The following CDKAL1 variants were observed in gnomAD, a reference collection of about 807,000 sequenced individuals.
The protein encoded by CDKAL1 is threonylcarbamoyladenosine tRNA methylthiotransferase.
CDKAL1 carries 32 observed loss-of-function variants against 68.2 expected under a neutral mutation model. The ratio of observed to expected loss-of-function variants is 0.47; its 90% CI spans 0.35 to 0.63. The LOEUF is 0.63. Among genes scored for constraint, CDKAL1 ranks in the 30% least tolerant of loss-of-function variants. The pLI is 0.00. For synonymous variants in CDKAL1, 234 were observed against 244.3 expected (o/e 0.96, Z 0.39); for missense variants, 606 against 696.7 (o/e 0.87, Z 1.47).
intron 9 of CDKAL1, among the ~76,000 whole-genome samples, chr6:20,952,858 T>A (rs1764601760): frequency 6.6e-6 from 1 of 152,230 alleles, no homozygotes; most frequent in African/African-American, 2.4e-5. Context: ...GATTCCACAT[T>A]TAGCGTCACT....
intron 12 of CDKAL1, among the ~76,000 whole-genome samples, chr6:21,082,332 A>C (rs1050819044): frequency 3.3e-5 from 5 of 152,222 alleles, no homozygotes; most frequent in Admixed American, 3.3e-4. Flanking sequence ...AAACAAACAT[A>C]GTCTATGCTT....
At chr6:21,101,855 C>T (rs1582200237) in intron 12 of CDKAL1, among the ~76,000 whole-genome samples, 1 of 152,260 alleles carries the variant, frequency 6.6e-6, no homozygotes, top group East Asian at 1.9e-4. Flanking sequence ...GTACTCCTAT[C>T]TAATCAGTTA....
At chr6:21,130,221 C>CTTTT (rs10708944) in intron 13 of CDKAL1, among the ~76,000 whole-genome samples, 3 of 115,624 alleles carry the variant, frequency 2.6e-5, no homozygotes, top group African/African-American at 3.3e-5. Flanking sequence ...TTGGACCTAA[C>CTTTT]TTTTTTTTTT....
At chr6:20,984,819 G>GA (rs1260000784) in intron 10 of CDKAL1, among the ~76,000 whole-genome samples, 1 of 148,066 alleles carries the variant, frequency 6.8e-6, no homozygotes, top group Non-Finnish European at 1.5e-5. Flanking sequence ...AACGGGGGGG[G>GA]GTGGGGAAGG....
intron 5 of CDKAL1, among the ~76,000 whole-genome samples, chr6:20,670,873 T>C (rs2127780319): frequency 6.6e-6 from 1 of 152,364 alleles, no homozygotes; most frequent in South Asian, 2.1e-4. Context: ...TTCTTTCTTA[T>C]GGCTGCTTAG....
chr6:21,156,942 C>T (rs9368283), intron 13 of CDKAL1, among the ~76,000 whole-genome samples: 51,384 of 151,960 alleles, frequency 0.34, 9,023 homozygotes, highest in African/African-American at 0.43. Flanking sequence ...TCTGCCTAGG[C>T]TGGTTTTTCA....
At chr6:20,841,061 C>G (rs7765060) in intron 8 of CDKAL1, among the ~76,000 whole-genome samples, 126,712 of 152,198 alleles carry the variant, frequency 0.83, 53,006 homozygotes, top group Non-Finnish European at 0.87. Context: ...TCTCGAATTC[C>G]TGAGCTCAAG....
chr6:20,593,117 G>A (rs1352578388), intron 4 of CDKAL1, among the ~76,000 whole-genome samples: 1 of 152,164 alleles, frequency 6.6e-6, no homozygotes, highest in African/African-American at 2.4e-5. Flanking sequence ...CAGGGATATT[G>A]GTCTGAAATT....
chr6:21,161,849 ATTG>A (rs1044425931), intron 13 of CDKAL1, among the ~76,000 whole-genome samples: 27 of 152,176 alleles, frequency 1.8e-4, no homozygotes, highest in Admixed American at 3.9e-4. Context: ...AGGGCTCATA[ATTG>A]TTGTCATTTT....
rs537167888 is a variant in CDKAL1 at position 20,546,855 on chromosome 6, A to G, written c.173+332A>G. 5.5e-4 allele frequency among the ~76,000 whole-genome samples: 84 copies of G among 152,228 alleles called. 2 individuals carry two copies. In the South Asian group the frequency reaches 0.015, roughly 27 times the overall value. ...TGGCCTGAGCCACTGAGCACGGCCG[A>G]AATTATATTCATTTTCATTCCAGGG... On this transcript the variant is annotated intron_variant, in intron 3 of 15. Coordinates refer to ENST00000274695, the MANE Select transcript of CDKAL1 (RefSeq NM_017774.3).
intron 4 of CDKAL1, among the ~76,000 whole-genome samples, chr6:20,624,223 C>G (rs1767323413): frequency 6.6e-6 from 1 of 151,960 alleles, no homozygotes; most frequent in African/African-American, 2.4e-5. Flanking sequence ...GATAGGTAGT[C>G]AGTTCTTGGT....
In CDKAL1 at chr6:20,642,899, AAACAACAACAAC is replaced by A. The variant is rs79933332; in HGVS notation, c.287-6359_287-6348del. 6.8e-3 allele frequency among the ~76,000 whole-genome samples: 1,027 copies of A among 150,420 alleles called. 7 individuals carry two copies. Among genetic ancestry groups the A allele is most frequent in the African/African-American group, 0.018 (739 of 40,754 alleles). ...GGGCGACACAGTGAGACTTTGTCTCAAACAACAACAACAACAACAACAACAACAACAACAACA... is the reference window on the plus strand; with the variant it reads ...GGGCGACACAGTGAGACTTTGTCTCAAACAACAACAACAACAACAACAACA... On this transcript the variant is annotated intron_variant, in intron 4 of 15. Transcript: ENST00000274695.
intron 12 of CDKAL1, among the ~76,000 whole-genome samples, chr6:21,102,845 T>C (rs1773650388): frequency 6.6e-6 from 1 of 152,224 alleles, no homozygotes; most frequent in African/African-American, 2.4e-5. Context: ...CTTGGCTCCT[T>C]ATCTTTTCCT....
At chr6:20,622,889 AATTG>A (rs1187020500) in intron 4 of CDKAL1, among the ~76,000 whole-genome samples, 1 of 151,946 alleles carries the variant, frequency 6.6e-6, no homozygotes, top group East Asian at 1.9e-4. Context: ...GAAGGAGCTT[AATTG>A]ATTATCATTT....
intron 4 of CDKAL1, among the ~76,000 whole-genome samples, chr6:20,586,342 A>G (rs1765354064): frequency 1.3e-5 from 2 of 152,178 alleles, no homozygotes; most frequent in Admixed American, 1.3e-4. Flanking sequence ...TTCTGCAAAA[A>G]TGGAAGTGCT....
At chr6:20,914,028 G>A (rs1440067842) in intron 9 of CDKAL1, among the ~76,000 whole-genome samples, 2 of 152,002 alleles carry the variant, frequency 1.3e-5, no homozygotes, top group East Asian at 1.9e-4. Context: ...GGTGGCTCAC[G>A]CCTGTGATCC....
intron 4 of CDKAL1, among the ~76,000 whole-genome samples, chr6:20,610,131 A>G (rs1424945567): frequency 6.6e-6 from 1 of 152,214 alleles, no homozygotes; most frequent in African/African-American, 2.4e-5. Flanking sequence ...AGGGCTGTGT[A>G]GTATTCCATG....
intron 5 of CDKAL1, among the ~76,000 whole-genome samples, chr6:20,706,794 ACAGTTTAACTTG>A (rs1352366248): frequency 6.6e-6 from 1 of 152,168 alleles, no homozygotes; most frequent in Non-Finnish European, 1.5e-5. Flanking sequence ...TACTTGGAAG[ACAGTTTAACTTG>A]CATAAGTCCT....
intron 6 of CDKAL1, among the ~76,000 whole-genome samples, chr6:20,742,947 G>A (rs923584893): frequency 6.6e-6 from 1 of 151,964 alleles, no homozygotes; most frequent in African/African-American, 2.4e-5. Flanking sequence ...TACAAATTAG[G>A]AAACAAAATT....
Sources: allele counts gnomAD v4.1 joint callset (sites outside exome capture counted in the v4.1 genomes callset), GRCh38; gene constraint gnomAD v4.1.1; transcripts MANE v1.5; gene names NCBI Gene and HGNC (gene_info 2026-07-23, HGNC 2026-07-21).